Variants in RFX4 observed in about 807,000 individuals in gnomAD.
RFX4 encodes the protein regulatory factor X4.
In RFX4, 10 loss-of-function variants were observed where a neutral mutation model predicts 95.0. The observed-to-expected ratio is 0.11, with a 90% CI of 0.06 to 0.18. The LOEUF (loss-of-function observed/expected upper bound fraction) is 0.18. Ranked by LOEUF, RFX4 falls within the 10% of genes least tolerant of loss-of-function variation. RFX4 has a pLI of 1.00. For synonymous variants in RFX4, 321 were observed against 340.7 expected, an observed-to-expected ratio of 0.94 and a Z score of 0.64; for missense variants, 640 against 922.0, an observed-to-expected ratio of 0.69 and a Z score of 3.96.
At chr12:106,624,106 T>C (rs2137243606) in intron 2 of RFX4, among the ~76,000 whole-genome samples, 1 of 152,286 alleles carries the variant, frequency 6.6e-6, no homozygotes, top group African/African-American at 2.4e-5. Context: ...TGTGTCTCTC[T>C]TTTATCAGAA....
intron 3 of RFX4, among the ~76,000 whole-genome samples, chr12:106,644,541 C>T (rs1432767346): frequency 3.3e-5 from 5 of 152,132 alleles, no homozygotes; most frequent in Non-Finnish European, 7.4e-5. Context: ...CGCCACTTCC[C>T]TTTTGATGAA....
intron 3 of RFX4, among the ~76,000 whole-genome samples, chr12:106,650,192 A>G (rs572116630): frequency 4.5e-4 from 68 of 152,336 alleles, no homozygotes; most frequent in African/African-American, 1.6e-3. Flanking sequence ...ATCATATGCA[A>G]GATGAATTCT....
At chr12:106,633,046 C>G (rs1401515536) in intron 2 of RFX4, among the ~76,000 whole-genome samples, 1 of 152,192 alleles carries the variant, frequency 6.6e-6, no homozygotes, top group Non-Finnish European at 1.5e-5. Context: ...AAATAAATAG[C>G]CAGCACTTCA....
At chr12:106,587,485 G>T (rs1041508624) in intron 1 of RFX4, among the ~76,000 whole-genome samples, 1 of 152,218 alleles carries the variant, frequency 6.6e-6, no homozygotes. Flanking sequence ...GAGTTTGCAC[G>T]GGGCCTCCCC....
At chr12:106,700,645 ATCCGCCCGCCTCGGCCTCCC>A (rs2041970717) in intron 8 of RFX4, among the ~76,000 whole-genome samples, 1 of 151,122 alleles carries the variant, frequency 6.6e-6, no homozygotes, top group African/African-American at 2.4e-5. Context: ...TGACCTCGTG[ATCCGCCCGCCTCGGCCTCCC>A]AAAGTGCTGG....
intron 8 of RFX4, among the ~76,000 whole-genome samples, chr12:106,708,480 G>C (rs2042130760): frequency 6.6e-6 from 1 of 152,096 alleles, no homozygotes; most frequent in Non-Finnish European, 1.5e-5. Context: ...TGACCAGAGA[G>C]AAATGGGGTT....
intron 1 of RFX4, among the ~76,000 whole-genome samples, chr12:106,598,247 T>C (rs2039648593): frequency 6.6e-6 from 1 of 152,176 alleles, no homozygotes; most frequent in Non-Finnish European, 1.5e-5. Flanking sequence ...GAAAAAATGA[T>C]ATGCACCAAG....
chr12:106,645,065 G>A (rs1351099752), intron 3 of RFX4, among the ~76,000 whole-genome samples: 1 of 143,174 alleles, frequency 7.0e-6, no homozygotes, highest in Non-Finnish European at 1.5e-5. Flanking sequence ...AAATAACACC[G>A]CTCTAAGAAC....
intron 1 of RFX4, among the ~76,000 whole-genome samples, chr12:106,596,986 A>G (rs1056241249): frequency 6.6e-6 from 1 of 152,214 alleles, no homozygotes; most frequent in African/African-American, 2.4e-5. Context: ...CTGATAAATT[A>G]CAAACTTGTT....
At chr12:106,695,052 T>G (rs1351719350) in intron 7 of RFX4, among the ~76,000 whole-genome samples, 1 of 151,988 alleles carries the variant, frequency 6.6e-6, no homozygotes, top group Non-Finnish European at 1.5e-5. Flanking sequence ...AAAAGAAAGC[T>G]AATGGCAATA....
At chr12:106,750,526 A>T in intron 16 of RFX4, 129 bp from the exon 17 acceptor site, 4 of 876,546 alleles carry the variant, frequency 4.6e-6, no homozygotes, top group Admixed American at 3.0e-5. Context: ...ATTGGGGGTG[A>T]AGGGGGGAAG....
At chr12:106,718,685 G>A (rs367739522) in intron 11 of RFX4, among the ~76,000 whole-genome samples, 3 of 152,136 alleles carry the variant, frequency 2.0e-5, no homozygotes, top group Non-Finnish European at 2.9e-5. Context: ...TGAAAGAAAC[G>A]TATGGATCTT....
chr12:106,692,215 C>T (rs992896168), intron 7 of RFX4, among the ~76,000 whole-genome samples: 1 of 151,834 alleles, frequency 6.6e-6, no homozygotes, highest in East Asian at 1.9e-4. Flanking sequence ...CTTCTCCAGA[C>T]TACATTGCAC....
At position 106,670,629 on chromosome 12, in the gene RFX4, C is replaced by A. The variant is rs115300999; in HGVS notation, c.316-11364C>A. On this transcript the variant is annotated intron_variant, in intron 4 of 17. Transcript: ENST00000392842. ...ATTTCTCTTAGGGAATTTCCTGTGA[C>A]ACCTGTAGCATTCTCTAACCCTTTC... 8.5e-4 allele frequency among the ~76,000 whole-genome samples: 129 copies of A among 152,280 alleles called. 1 individual carries two copies. Among genetic ancestry groups the A allele is most frequent in the African/African-American group, 2.9e-3 (122 of 41,560 alleles).
rs1266520271 is a variant in RFX4, at chr12:106,639,317, T to A, written c.131-15T>A. On this transcript the variant is annotated splice_polypyrimidine_tract_variant and intron_variant, in intron 2 of 17. Coordinates refer to ENST00000392842, the MANE Select transcript of RFX4 (RefSeq NM_213594.3). ...TTTCCTACTGAAGTTAGCTTCTTTT[T>A]CTTTCCTTTAACAGATGAGGAAAAA... The A allele has an allele frequency of 1.2e-6, 2 of 1,611,318 alleles. No individual in the cohort carries two copies. Among genetic ancestry groups the A allele is most frequent in the Non-Finnish European group, 1.7e-6 (2 of 1,178,994 alleles).
intron 4 of RFX4, 122 bp from the exon 5 acceptor site, chr12:106,681,871 A>C: frequency 1.0e-6 from 1 of 961,686 alleles, no homozygotes; most frequent in Admixed American, 1.8e-5. Flanking sequence ...ACAGACTCCT[A>C]TTAAGTCATT....
chr12:106,690,326 C>G (rs1048082270), intron 7 of RFX4, among the ~76,000 whole-genome samples: 5 of 152,062 alleles, frequency 3.3e-5, no homozygotes, highest in African/African-American at 1.2e-4. Context: ...TTAAAATGTC[C>G]CAAATTACTT....
At chr12:106,639,034 T>C (rs2040566730) in intron 2 of RFX4, among the ~76,000 whole-genome samples, 1 of 152,120 alleles carries the variant, frequency 6.6e-6, no homozygotes, top group African/African-American at 2.4e-5. Flanking sequence ...GTTAGGAAAA[T>C]ATTAAGTGGA....
chr12:106,730,767 G>A (rs1384743389), intron 13 of RFX4, among the ~76,000 whole-genome samples: 2 of 152,170 alleles, frequency 1.3e-5, no homozygotes, highest in East Asian at 1.9e-4. Flanking sequence ...TTGGGAGGCC[G>A]AGGTAGGTGG....
Sources: gnomAD v4.1 joint callset for allele counts (sites outside exome capture counted in the v4.1 genomes callset) on GRCh38, gnomAD v4.1.1 for gene constraint, MANE v1.5 for transcripts, NCBI Gene and HGNC (gene_info 2026-07-23, HGNC 2026-07-21) for gene names.